Variants in SPAG16 observed in about 807,000 individuals in gnomAD.
SPAG16 encodes sperm associated antigen 16.
A neutral mutation model predicts 80.4 loss-of-function variants in SPAG16; 86 were observed. The ratio of observed to expected loss-of-function variants is 1.07; its 90% CI spans 0.90 to 1.28. The LOEUF is 1.28. SPAG16 is among the 50% of genes most tolerant of loss of function. The pLI, the probability that SPAG16 is intolerant of heterozygous loss-of-function variation, is 0.00. For missense variants in SPAG16, 870 were observed against 765.3 expected, an observed-to-expected ratio of 1.14 and a Z score of -1.61; for synonymous variants, 294 against 265.9, an observed-to-expected ratio of 1.11 and a Z score of -1.03.
chr2:214,375,398 T>C (rs775002391), intron 15 of SPAG16, among the ~76,000 whole-genome samples: 5 of 152,142 alleles, frequency 3.3e-5, no homozygotes, highest in Non-Finnish European at 7.4e-5. Context: ...TCTTCTATTT[T>C]TTCGTTACCT....
intron 15 of SPAG16, among the ~76,000 whole-genome samples, chr2:214,327,905 A>C (rs1209237426): frequency 1.3e-5 from 2 of 152,214 alleles, no homozygotes; most frequent in Non-Finnish European, 2.9e-5. Flanking sequence ...CTATCTGGTT[A>C]ATAAGTCACT....
At chr2:213,469,570 GTTTTTTTTTTT>G (rs34005287) in intron 9 of SPAG16, among the ~76,000 whole-genome samples, 13 of 79,270 alleles carry the variant, frequency 1.6e-4, no homozygotes, top group Non-Finnish European at 1.9e-4. Context: ...ACCTCAGCAG[GTTTTTTTTTTT>G]TTTTTTTTTT....
chr2:213,526,512 G>T (rs76516043), intron 10 of SPAG16, among the ~76,000 whole-genome samples: 82 of 152,282 alleles, frequency 5.4e-4, no homozygotes, highest in African/African-American at 1.9e-3. Flanking sequence ...CTTTGGCTCT[G>T]ATCTGGACCA....
chr2:213,525,538 C>T (rs898048975), intron 10 of SPAG16, among the ~76,000 whole-genome samples: 60 of 151,948 alleles, frequency 3.9e-4, no homozygotes, highest in Non-Finnish European at 1.2e-4. Context: ...CTACCCGCCT[C>T]GGCCTCCCAA....
intron 10 of SPAG16, among the ~76,000 whole-genome samples, chr2:213,604,321 A>G (rs988718602): frequency 1.3e-5 from 2 of 151,876 alleles, no homozygotes; most frequent in Admixed American, 6.5e-5. Context: ...CAGAACTCTT[A>G]TTTTTTTCCT....
intron 15 of SPAG16, among the ~76,000 whole-genome samples, chr2:214,399,734 G>T (rs1701602700): frequency 6.6e-6 from 1 of 151,946 alleles, no homozygotes; most frequent in Non-Finnish European, 1.5e-5. Context: ...TAAGCCCTTG[G>T]TTCCTTTGCC....
At chr2:213,588,464 T>G (rs1437072643) in intron 10 of SPAG16, among the ~76,000 whole-genome samples, 1 of 151,910 alleles carries the variant, frequency 6.6e-6, no homozygotes, top group African/African-American at 2.4e-5. Flanking sequence ...TTTTTTTTTT[T>G]TGTAAGGGAA....
At chr2:213,959,798 T>A (rs1001946006) in intron 12 of SPAG16, among the ~76,000 whole-genome samples, 1 of 152,186 alleles carries the variant, frequency 6.6e-6, no homozygotes, top group Non-Finnish European at 1.5e-5. Flanking sequence ...CCTCTTTGTC[T>A]CACCTGACAC....
intron 10 of SPAG16, among the ~76,000 whole-genome samples, chr2:213,787,108 T>C (rs572669970): frequency 1.3e-5 from 2 of 152,138 alleles, no homozygotes; most frequent in African/African-American, 2.4e-5. Context: ...AAATAGCTAA[T>C]GTATGCTGGG....
At chr2:214,219,975 G>A (rs1040557281) in intron 15 of SPAG16, among the ~76,000 whole-genome samples, 3 of 151,598 alleles carry the variant, frequency 2.0e-5, no homozygotes, top group African/African-American at 7.3e-5. Flanking sequence ...TCATCCTCTA[G>A]AGATACATTA....
Position 213,651,646 on chromosome 2 carries a change from A to G in SPAG16, c.1070+161556A>G, listed in dbSNP as rs1439953085. 2.8e-4 allele frequency among the ~76,000 whole-genome samples: 42 copies of G among 152,078 alleles called. 1 individual carries two copies. The highest frequency in any genetic ancestry group is 4.4e-5 in the Non-Finnish European group (3 of 68,016). ...GCTTGGCTTCTTCCCTCTAAATTGC[A>G]CACGAAAATGTCTCTGTGGTTCACT... On this transcript the variant is annotated intron_variant, in intron 10 of 15. Transcript: ENST00000331683.
At chr2:214,080,026 T>C (rs528688850) in intron 13 of SPAG16, among the ~76,000 whole-genome samples, 1 of 152,262 alleles carries the variant, frequency 6.6e-6, no homozygotes, top group East Asian at 1.9e-4. Flanking sequence ...TAACCTCTGT[T>C]AAGACAAACC....
intron 13 of SPAG16, among the ~76,000 whole-genome samples, chr2:214,072,529 C>T (rs1283476552): frequency 3.3e-5 from 5 of 151,932 alleles, no homozygotes; most frequent in Non-Finnish European, 7.4e-5. Flanking sequence ...AAGAATGACA[C>T]TAAAGGGAAA....
chr2:213,466,151 C>A (rs2072680851), intron 9 of SPAG16, among the ~76,000 whole-genome samples: 1 of 152,200 alleles, frequency 6.6e-6, no homozygotes, highest in Non-Finnish European at 1.5e-5. Flanking sequence ...GGGACTCAGA[C>A]TGGCTTCCTT....
At chr2:214,055,023 G>A (rs1001470683) in intron 13 of SPAG16, among the ~76,000 whole-genome samples, 7 of 152,118 alleles carry the variant, frequency 4.6e-5, no homozygotes, top group African/African-American at 1.7e-4. Flanking sequence ...ATTCACAGCA[G>A]GAGTGACACA....
intron 10 of SPAG16, among the ~76,000 whole-genome samples, chr2:213,636,483 C>CTGTAAAGA (rs1302860346): frequency 6.6e-6 from 1 of 152,050 alleles, no homozygotes; most frequent in East Asian, 1.9e-4. Context: ...TTTTCTAGTT[C>CTGTAAAGA]TGTAAAGAAT....
chr2:213,829,166 A>G (rs1209384751), intron 10 of SPAG16, among the ~76,000 whole-genome samples: 1 of 152,162 alleles, frequency 6.6e-6, no homozygotes, highest in Non-Finnish European at 1.5e-5. Flanking sequence ...GCTGTCTGGG[A>G]GCCAGGGCCT....
intron 10 of SPAG16, among the ~76,000 whole-genome samples, chr2:213,800,505 C>G (rs1321579706): frequency 2.0e-5 from 3 of 151,994 alleles, no homozygotes; most frequent in Non-Finnish European, 2.9e-5. Context: ...GTATCTAGGA[C>G]TACACGTGCA....
intron 10 of SPAG16, among the ~76,000 whole-genome samples, chr2:213,801,247 ATG>A (rs963328913): frequency 6.6e-6 from 1 of 152,210 alleles, no homozygotes; most frequent in Admixed American, 6.5e-5. Flanking sequence ...GCGTGCCCAC[ATG>A]TGTTTTTGGT....
Sources: gnomAD v4.1 joint callset for allele counts (sites outside exome capture counted in the v4.1 genomes callset) on GRCh38, gnomAD v4.1.1 for gene constraint, MANE v1.5 for transcripts, NCBI Gene and HGNC (gene_info 2026-07-23, HGNC 2026-07-21) for gene names.